Variants in PLAGL1 observed in about 807,000 individuals in gnomAD.
PLAGL1 encodes PLAG1 like zinc finger 1, also known as zinc finger protein PLAGL1.
In PLAGL1, 1 loss-of-function variant was observed where a neutral mutation model predicts 4.6. The ratio of observed to expected loss-of-function variants is 0.22; its 90% CI spans 0.08 to 1.03. The LOEUF is 1.03. PLAGL1 is among the 50% of genes least tolerant of loss of function. PLAGL1 has a pLI of 0.58. For synonymous variants in PLAGL1, 240 were observed against 237.8 expected, an observed-to-expected ratio of 1.01 and a Z score of -0.08; for missense variants, 464 against 570.4, an observed-to-expected ratio of 0.81 and a Z score of 1.90.
intron 1 of PLAGL1, among the ~76,000 whole-genome samples, chr6:144,001,501 T>C (rs573773320): frequency 1.1e-4 from 16 of 152,278 alleles, no homozygotes; most frequent in Admixed American, 9.2e-4. Flanking sequence ...ACTAAAATTA[T>C]TGGACAAAAC....
At chr6:143,996,673 A>G (rs922164033) in intron 1 of PLAGL1, among the ~76,000 whole-genome samples, 4 of 145,176 alleles carry the variant, frequency 2.8e-5, no homozygotes, top group African/African-American at 1.0e-4. Flanking sequence ...TTGGCTAGCC[A>G]TCTTCGATCA....
chr6:144,062,717 T>C (rs1395297954), intron 1 of PLAGL1, among the ~76,000 whole-genome samples: 1 of 152,084 alleles, frequency 6.6e-6, no homozygotes, highest in Non-Finnish European at 1.5e-5. Flanking sequence ...CTCCCCAACT[T>C]AACAGAGAGG....
upstream of PLAGL1, among the ~76,000 whole-genome samples, chr6:144,012,064 T>C (rs1305058523): frequency 6.6e-6 from 1 of 152,206 alleles, no homozygotes; most frequent in Non-Finnish European, 1.5e-5. The surrounding 1 kb of genome is among the most constrained non-coding windows in gnomAD (Gnocchi z 4.8). Context: ...AGACATAGGT[T>C]CATCTGGAGA....
At position 144,056,082 on chromosome 6, in the gene PLAGL1, T is replaced by A. The variant is rs4896693; in HGVS notation, c.-151+8386A>T. On this transcript the variant is annotated intron_variant, in intron 1 of 3. Coordinates refer to the PLAGL1 transcript ENST00000437412. The surrounding 1 kb of genome is among the most constrained non-coding windows in gnomAD (Gnocchi z 4.7). Reference sequence around the variant, plus strand: ...TTCTTTCCCCTCATCCCTTTCTCCATCCCACCCCCACCTCTGAAGAAATCT... The same window carrying A: ...TTCTTTCCCCTCATCCCTTTCTCCAACCCACCCCCACCTCTGAAGAAATCT... Among the ~76,000 whole-genome samples the A allele has an allele frequency of 0.47, 70,953 of 150,390 alleles. 17,144 individuals are homozygous for A. The highest frequency in any genetic ancestry group is 0.66 in the East Asian group (3,326 of 5,054).
Position 144,016,992 on chromosome 6 carries a change from C to G in PLAGL1, c.-151+47476G>C, listed in dbSNP as rs556420191. Among the ~76,000 whole-genome samples the G allele has an allele frequency of 6.6e-6, 1 of 152,166 alleles. No individual in the cohort carries two copies. The highest frequency in any genetic ancestry group is 1.9e-4 in the East Asian group (1 of 5,180). The stretch of plus-strand genomic sequence containing the variant: ...ACCTGACCTAGAGCCTTCTCTTGGA[C>G]TCCTAATCCAGTGTTCTTTTATAAT... On this transcript the variant is annotated intron_variant, in intron 1 of 3. Transcript: ENST00000437412. This position sits in a 1 kb window ranked among gnomAD's most constrained non-coding sequence, Gnocchi z 4.2.
chr6:144,062,817 G>A (rs1475710915), intron 1 of PLAGL1, among the ~76,000 whole-genome samples: 2 of 152,160 alleles, frequency 1.3e-5, no homozygotes, highest in African/African-American at 4.8e-5. Context: ...TTGAATGATG[G>A]AACAGAAATT....
rs752289151 is a variant in PLAGL1 at position 144,048,566 on chromosome 6, C to T, written c.-151+15902G>A. On this transcript the variant is annotated intron_variant, in intron 1 of 3. Transcript: ENST00000437412. This position sits in a 1 kb window ranked among gnomAD's most constrained non-coding sequence, Gnocchi z 4.8. ...GGAAGCCTCCAAGGCTTACAGCTTG[C>T]AGTCTCTGAAGCAATGGCTTGAGCT... Among the ~76,000 whole-genome samples the T allele has an allele frequency of 5.9e-5, 9 of 152,220 alleles. No homozygotes were observed. Among genetic ancestry groups the T allele is most frequent in the Non-Finnish European group, 1.3e-4 (9 of 68,036 alleles).
chr6:144,040,922 TGAA>T (rs1209738095), intron 1 of PLAGL1, among the ~76,000 whole-genome samples: 1 of 151,872 alleles, frequency 6.6e-6, no homozygotes, highest in East Asian at 1.9e-4. Flanking sequence ...TAATAGGAGA[TGAA>T]GAAGTAAAGA....
At position 143,953,724 on chromosome 6, in the gene PLAGL1, A is replaced by C. The variant is rs1346053515; in HGVS notation, c.-324-5264T>G. Among the ~76,000 whole-genome samples the C allele has an allele frequency of 6.6e-6, 1 of 152,254 alleles. No homozygotes were observed. Among genetic ancestry groups the C allele is most frequent in the Non-Finnish European group, 1.5e-5 (1 of 68,042 alleles). On this transcript the variant is annotated intron_variant, in intron 6 of 7. Transcript: ENST00000674357. The surrounding 1 kb of genome is among the most constrained non-coding windows in gnomAD (Gnocchi z 5.3). ...GAAGCTGAAAAGCAGGTAAACAAGC[A>C]GTGATCGACTTGGCCATCCTAAGAA...
chr6:143,985,624 TCTACTA>T lies in PLAGL1; in HGVS notation c.-583-456_-583-451del, dbSNP rs571187257. Among the ~76,000 whole-genome samples, 1 of 151,796 alleles carries T rather than the reference TCTACTA, an allele frequency of 6.6e-6. No individual in the cohort carries two copies. The highest frequency in any genetic ancestry group is 6.6e-5 in the Admixed American group (1 of 15,230). On this transcript the variant is annotated intron_variant, in intron 1 of 7. Coordinates refer to ENST00000674357, the MANE Select transcript of PLAGL1 (RefSeq NM_001317162.2). The surrounding 1 kb of genome is among the most constrained non-coding windows in gnomAD (Gnocchi z 4.4). ...TTCATTCCTTGTCCATAGTTCTATG[TCTACTA>T]CTACTACTACTACTTCCTATATGTC... is the stretch of plus-strand genomic sequence containing the variant.
chr6:144,010,132 C>A (rs1033484257), upstream of PLAGL1, among the ~76,000 whole-genome samples: 1 of 152,182 alleles, frequency 6.6e-6, no homozygotes, highest in Non-Finnish European at 1.5e-5. This position sits in a 1 kb window ranked among gnomAD's most constrained non-coding sequence, Gnocchi z 4.1. Flanking sequence ...TACACTCCCA[C>A]CAACAGCGTA....
chr6:144,004,050 T>C lies in PLAGL1; in HGVS notation c.-584+4040A>G, dbSNP rs80134311. On this transcript the variant is annotated intron_variant, in intron 1 of 7. Coordinates refer to ENST00000674357, the MANE Select transcript of PLAGL1 (RefSeq NM_001317162.2). The surrounding 1 kb of genome is among the most constrained non-coding windows in gnomAD (Gnocchi z 4.2). ...GCTCATATTATATATCCACATAATG[T>C]AATACCGTAGAAGAGGTGTCAATAA... Among the ~76,000 whole-genome samples, 1,118 of 152,338 alleles carry C rather than the reference T, an allele frequency of 7.3e-3. 9 individuals are homozygous for C. The highest frequency in any genetic ancestry group is 0.025 in the African/African-American group (1,022 of 41,578).
At chr6:143,969,551 A>G (rs1037480056) in intron 2 of PLAGL1, among the ~76,000 whole-genome samples, 3 of 152,086 alleles carry the variant, frequency 2.0e-5, no homozygotes, top group South Asian at 2.1e-4. Context: ...TTGAGAGGCC[A>G]AGGCAAGAGG....
chr6:144,017,382 C>T (rs1482424433), intron 1 of PLAGL1, among the ~76,000 whole-genome samples: 3 of 152,114 alleles, frequency 2.0e-5, no homozygotes, highest in Non-Finnish European at 4.4e-5. Context: ...GTATCACTTC[C>T]CCAACAAGGG....
chr6:143,989,573 C>T lies in PLAGL1; in HGVS notation c.-583-4399G>A, dbSNP rs1166954415. On this transcript the variant is annotated intron_variant, in intron 1 of 7. Coordinates refer to ENST00000674357, the MANE Select transcript of PLAGL1 (RefSeq NM_001317162.2). The surrounding 1 kb of genome is among the most constrained non-coding windows in gnomAD (Gnocchi z 4.8). Reference sequence around the variant, plus strand: ...ACCCCTGGTTCCTCTGCTTCTCAGGCGTTCAGCCTTGGACCAGAATCACAC... The same window carrying T: ...ACCCCTGGTTCCTCTGCTTCTCAGGTGTTCAGCCTTGGACCAGAATCACAC... Among the ~76,000 whole-genome samples, 3 of 152,200 alleles carry T rather than the reference C, an allele frequency of 2.0e-5. No individual in the cohort carries two copies. Among genetic ancestry groups the T allele is most frequent in the Non-Finnish European group, 2.9e-5 (2 of 68,042 alleles).
At chr6:144,058,806 C>T (rs1799178842) in intron 1 of PLAGL1, among the ~76,000 whole-genome samples, 1 of 152,132 alleles carries the variant, frequency 6.6e-6, no homozygotes, top group African/African-American at 2.4e-5. Flanking sequence ...AGGAGTAGAC[C>T]CCCAAGACCT....
Position 144,034,996 on chromosome 6 carries a change from T to C in PLAGL1, c.-151+29472A>G, listed in dbSNP as rs975975508. 6.6e-6 allele frequency among the ~76,000 whole-genome samples: 1 copy of C among 152,152 alleles called. No homozygotes were observed. Among genetic ancestry groups the C allele is most frequent in the African/African-American group, 2.4e-5 (1 of 41,436 alleles). On this transcript the variant is annotated intron_variant, in intron 1 of 3. Transcript: ENST00000437412. The surrounding 1 kb of genome is among the most constrained non-coding windows in gnomAD (Gnocchi z 4.7). Reference sequence around the variant, plus strand: ...TGGGTATGTAATACATTGAGAACAGTTAAATGTTAATGATAGAATCTAGTG... The same window carrying C: ...TGGGTATGTAATACATTGAGAACAGCTAAATGTTAATGATAGAATCTAGTG...
intron 1 of PLAGL1, among the ~76,000 whole-genome samples, chr6:144,001,367 G>GA (rs1318606684): frequency 6.6e-6 from 1 of 151,790 alleles, no homozygotes. Context: ...AAATCAATGG[G>GA]AAAAAAGGGA....
chr6:143,979,773 G>A lies in PLAGL1; in HGVS notation c.-544+5362C>T, dbSNP rs972827468. On this transcript the variant is annotated intron_variant, in intron 2 of 7. Transcript: ENST00000674357. The surrounding 1 kb of genome is among the most constrained non-coding windows in gnomAD (Gnocchi z 4.6). The stretch of plus-strand genomic sequence containing the variant: ...GTTGCCATTTCTGGTGCTCTTTACT[G>A]CTATCTGGCATTATTTTCCTTCTTT... Among the ~76,000 whole-genome samples, 2 of 151,730 alleles carry A rather than the reference G, an allele frequency of 1.3e-5. No individual in the cohort carries two copies. Among genetic ancestry groups the A allele is most frequent in the Admixed American group, 6.6e-5 (1 of 15,248 alleles).
Sources: allele counts gnomAD v4.1 joint callset (sites outside exome capture counted in the v4.1 genomes callset), GRCh38; gene constraint gnomAD v4.1.1; non-coding constraint Gnocchi (gnomAD v3.1); transcripts MANE v1.5; gene names NCBI Gene and HGNC (gene_info 2026-07-23, HGNC 2026-07-21).